Variants in MGAT4C observed in about 807,000 individuals in gnomAD.
MGAT4C encodes the protein MGAT4 family member C.
In MGAT4C, 19 loss-of-function variants were observed where a neutral mutation model predicts 40.1. The ratio of observed to expected loss-of-function variants is 0.47; its 90% CI spans 0.33 to 0.70. The LOEUF is 0.70. Ranked by LOEUF, MGAT4C falls within the 30% of genes least tolerant of loss-of-function variation. The pLI is 0.02. For missense variants in MGAT4C, 491 were observed against 563.2 expected (o/e 0.87, Z 1.30); for synonymous variants, 181 against 187.1 (o/e 0.97, Z 0.27).
intron 1 of MGAT4C, among the ~76,000 whole-genome samples, chr12:86,104,312 C>T (rs572074500): frequency 4.0e-5 from 6 of 151,194 alleles, no homozygotes; most frequent in Admixed American, 3.3e-4. Context: ...TGGTGACTCA[C>T]GCCTGTAGTC....
At chr12:86,573,004 T>C (rs958714375) in intron 2 of MGAT4C, among the ~76,000 whole-genome samples, 5 of 152,090 alleles carry the variant, frequency 3.3e-5, no homozygotes, top group African/African-American at 1.2e-4. Context: ...TCTAGGATGT[T>C]AGTTTTTTAA....
intron 2 of MGAT4C, among the ~76,000 whole-genome samples, chr12:86,522,356 T>C (rs998501918): frequency 6.6e-6 from 1 of 152,304 alleles, no homozygotes; most frequent in Admixed American, 6.5e-5. Context: ...TCTATTGAGA[T>C]AATCATGTGA....
At chr12:86,336,741 A>G (rs1954799762) in intron 3 of MGAT4C, among the ~76,000 whole-genome samples, 1 of 152,204 alleles carries the variant, frequency 6.6e-6, no homozygotes, top group Non-Finnish European at 1.5e-5. Context: ...TGAAGACAAG[A>G]AAAATCAGAA....
At chr12:86,632,604 G>T (rs1593064164) in intron 2 of MGAT4C, among the ~76,000 whole-genome samples, 2 of 152,084 alleles carry the variant, frequency 1.3e-5, no homozygotes, top group African/African-American at 4.8e-5. Context: ...CATGCCCTTT[G>T]TAGGGACATG....
intron 1 of MGAT4C, among the ~76,000 whole-genome samples, chr12:86,126,106 A>T (rs1321350730): frequency 6.6e-6 from 1 of 152,068 alleles, no homozygotes; most frequent in Admixed American, 6.6e-5. Flanking sequence ...AAAATTAACT[A>T]TATGTCATTT....
At chr12:86,102,289 A>C (rs1031283653) in intron 1 of MGAT4C, among the ~76,000 whole-genome samples, 2 of 151,994 alleles carry the variant, frequency 1.3e-5, no homozygotes, top group African/African-American at 4.8e-5. Flanking sequence ...AAAGAGCCAA[A>C]GGTTTCCAAA....
At chr12:86,416,106 A>G (rs1956706858) in intron 3 of MGAT4C, among the ~76,000 whole-genome samples, 1 of 152,092 alleles carries the variant, frequency 6.6e-6, no homozygotes, top group African/African-American at 2.4e-5. Context: ...AAAATCTAAT[A>G]GAGACAGAGA....
At chr12:86,819,576 A>G (rs1442161078) in intron 1 of MGAT4C, among the ~76,000 whole-genome samples, 1 of 151,076 alleles carries the variant, frequency 6.6e-6, no homozygotes, top group Non-Finnish European at 1.5e-5. Flanking sequence ...AAAAGTTAAG[A>G]TAAAAAGCAT....
At position 86,549,931 on chromosome 12, in the gene MGAT4C, G is replaced by A. The variant is rs116880594; in HGVS notation, c.-228-114666C>T. Reference sequence around the variant, plus strand: ...GCAGACTGATAGGATTTGGTTCTGTGTCCCCACCCAAATCTCATCTTGAAA... The same window carrying A: ...GCAGACTGATAGGATTTGGTTCTGTATCCCCACCCAAATCTCATCTTGAAA... On this transcript the variant is annotated intron_variant, in intron 2 of 7. Coordinates refer to the MGAT4C transcript ENST00000548651. Among the ~76,000 whole-genome samples, 1,330 of 152,228 alleles carry A rather than the reference G, an allele frequency of 8.7e-3. 16 individuals are homozygous for A. The highest frequency in any genetic ancestry group is 0.015 in the Non-Finnish European group (1,027 of 68,022).
At chr12:86,214,649 C>T (rs1259830070) in intron 1 of MGAT4C, among the ~76,000 whole-genome samples, 2 of 152,180 alleles carry the variant, frequency 1.3e-5, no homozygotes, top group Admixed American at 6.5e-5. Context: ...TCTATTCTGC[C>T]TCTTCCTATG....
intron 2 of MGAT4C, among the ~76,000 whole-genome samples, chr12:86,540,884 G>A (rs1959164242): frequency 6.6e-6 from 1 of 152,180 alleles, no homozygotes; most frequent in East Asian, 1.9e-4. Context: ...CAACTTATTA[G>A]GCAGCAATAG....
At chr12:86,300,157 T>C (rs909825694) in intron 4 of MGAT4C, among the ~76,000 whole-genome samples, 2 of 152,200 alleles carry the variant, frequency 1.3e-5, no homozygotes, top group African/African-American at 4.8e-5. Flanking sequence ...CAGTGTGAAA[T>C]GGCATTTTAT....
intron 1 of MGAT4C, among the ~76,000 whole-genome samples, chr12:86,242,901 C>G (rs1276428571): frequency 6.6e-6 from 1 of 152,154 alleles, no homozygotes; most frequent in Non-Finnish European, 1.5e-5. Context: ...ACTCTAGCTA[C>G]TAACAGAGCC....
rs1960975487 is a variant in MGAT4C, at chr12:86,585,429, GA to G, written c.-229+141779del. On this transcript the variant is annotated intron_variant, in intron 2 of 7. Transcript: ENST00000548651. ...ACGTGAAATGTAAAATGATCAAAATGAATTTAAATTTTACAAAATGATACTA... is the reference window on the plus strand; with the variant it reads ...ACGTGAAATGTAAAATGATCAAAATGATTTAAATTTTACAAAATGATACTA... 2.0e-5 allele frequency among the ~76,000 whole-genome samples: 3 copies of G among 151,130 alleles called. No homozygotes were observed. The Admixed American group carries it at 2.0e-4, about 10-fold the overall frequency.
At chr12:86,747,206 C>T (rs1951165697) in intron 1 of MGAT4C, among the ~76,000 whole-genome samples, 1 of 151,610 alleles carries the variant, frequency 6.6e-6, no homozygotes, top group African/African-American at 2.4e-5. Context: ...TCTCTTTAAA[C>T]ACTGATTTAT....
chr12:86,649,194 GT>G (rs1156427626), intron 2 of MGAT4C, among the ~76,000 whole-genome samples: 1 of 151,644 alleles, frequency 6.6e-6, no homozygotes, highest in Non-Finnish European at 1.5e-5. Flanking sequence ...AAAAACCTCT[GT>G]ACTTCAGACC....
intron 2 of MGAT4C, among the ~76,000 whole-genome samples, chr12:86,656,058 A>G (rs1963841831): frequency 6.6e-6 from 1 of 152,092 alleles, no homozygotes; most frequent in Admixed American, 6.6e-5. Context: ...TATCAAATTA[A>G]TTGACTTTCT....
chr12:86,610,866 C>A (rs1962231573), intron 2 of MGAT4C, among the ~76,000 whole-genome samples: 1 of 151,742 alleles, frequency 6.6e-6, no homozygotes, highest in Admixed American at 6.6e-5. Flanking sequence ...CAATGCAGGT[C>A]TGATATCAGT....
chr12:86,222,268 T>C (rs1950910615), intron 1 of MGAT4C, among the ~76,000 whole-genome samples: 1 of 152,216 alleles, frequency 6.6e-6, no homozygotes, highest in East Asian at 1.9e-4. Flanking sequence ...TATGGTGCTT[T>C]AATGTGTCTC....
Sources: allele counts gnomAD v4.1 joint callset (sites outside exome capture counted in the v4.1 genomes callset), GRCh38; gene constraint gnomAD v4.1.1; transcripts MANE v1.5; gene names NCBI Gene and HGNC (gene_info 2026-07-23, HGNC 2026-07-21).